The following EYS variants were observed in gnomAD, a reference collection of about 807,000 sequenced individuals.
EYS encodes protein eyes shut homolog.
EYS carries 250 observed loss-of-function variants against 282.1 expected under a neutral mutation model. The ratio of observed to expected loss-of-function variants is 0.89; its 90% CI spans 0.80 to 0.98. EYS has a LOEUF of 0.98. Among genes scored for constraint, EYS ranks in the 50% least tolerant of loss-of-function variants. The pLI is 0.00. For missense variants in EYS, 4,016 were observed against 3,709.0 expected, an observed-to-expected ratio of 1.08 and a Z score of -2.15; for synonymous variants, 1,355 against 1,282.9, an observed-to-expected ratio of 1.06 and a Z score of -1.20.
At chr6:64,643,706 T>C (rs1768252323) in intron 22 of EYS, among the ~76,000 whole-genome samples, 1 of 152,220 alleles carries the variant, frequency 6.6e-6, no homozygotes, top group Non-Finnish European at 1.5e-5. Flanking sequence ...TCCTGCTTTC[T>C]CATGATAGTG....
chr6:64,236,420 C>T (rs1481989741), intron 30 of EYS, among the ~76,000 whole-genome samples: 1 of 152,028 alleles, frequency 6.6e-6, no homozygotes, highest in Non-Finnish European at 1.5e-5. Context: ...ATGTATGTTT[C>T]CATTTCTCTT....
At chr6:64,976,207 A>C (rs1345167522) in intron 14 of EYS, among the ~76,000 whole-genome samples, 4 of 152,002 alleles carry the variant, frequency 2.6e-5, no homozygotes, top group African/African-American at 9.7e-5. Context: ...CATTGTTCAA[A>C]TATATTCAAC....
chr6:64,032,668 A>C (rs1420878728), intron 33 of EYS, among the ~76,000 whole-genome samples: 1 of 152,180 alleles, frequency 6.6e-6, no homozygotes, highest in Non-Finnish European at 1.5e-5. Context: ...TTGGGGGTAC[A>C]CACAGCCCAC....
At chr6:65,380,801 G>A (rs975564325) in intron 8 of EYS, among the ~76,000 whole-genome samples, 4 of 151,876 alleles carry the variant, frequency 2.6e-5, no homozygotes, top group African/African-American at 9.7e-5. Flanking sequence ...TCAAAAAATG[G>A]GCAAAGTTTA....
At position 65,295,839 on chromosome 6, in the gene EYS, T is replaced by C. The variant is rs971253140; in HGVS notation, c.2023+24A>G. On this transcript the variant is annotated intron_variant, in intron 12 of 42. Coordinates refer to ENST00000503581, the MANE Select transcript of EYS (RefSeq NM_001142800.2). Reference sequence around the variant, plus strand: ...CAACATTATTTACTAGAAAATTTAATTTATCAGGAAAAAAAAAACTTGCCT... The same window carrying C: ...CAACATTATTTACTAGAAAATTTAACTTATCAGGAAAAAAAAAACTTGCCT... 4 of 1,472,914 alleles carry C rather than the reference T, an allele frequency of 2.7e-6. No homozygotes were observed. In the East Asian group the frequency reaches 8.0e-5, roughly 30 times the overall value. The allele number at this position is 1,472,914 out of a possible 1,614,324, so 91.2% of individuals were successfully genotyped here.
At chr6:65,462,225 T>A (rs1764848978) in intron 5 of EYS, among the ~76,000 whole-genome samples, 1 of 152,106 alleles carries the variant, frequency 6.6e-6, no homozygotes, top group South Asian at 2.1e-4. Context: ...ATTCATGTAA[T>A]GTATGATACT....
chr6:64,855,597 A>G (rs1049980428), intron 19 of EYS, among the ~76,000 whole-genome samples: 1 of 152,290 alleles, frequency 6.6e-6, no homozygotes, highest in Middle Eastern at 3.4e-3. Context: ...AGTGTGGTAC[A>G]TTAACCACAA....
intron 8 of EYS, among the ~76,000 whole-genome samples, chr6:65,374,676 G>A (rs1232636126): frequency 6.6e-6 from 1 of 152,076 alleles, no homozygotes; most frequent in Non-Finnish European, 1.5e-5. Context: ...TGCCATCACA[G>A]CAGTCTGAAG....
intron 22 of EYS, among the ~76,000 whole-genome samples, chr6:64,768,596 G>C (rs996534710): frequency 6.6e-6 from 1 of 152,146 alleles, no homozygotes; most frequent in African/African-American, 2.4e-5. Context: ...GGTCATATCA[G>C]AAAGTTTTAT....
At chr6:63,782,557 G>A (rs1057475857) in intron 39 of EYS, among the ~76,000 whole-genome samples, 1 of 152,046 alleles carries the variant, frequency 6.6e-6, no homozygotes, top group Admixed American at 6.6e-5. Flanking sequence ...TATAGTATTC[G>A]CTGATGGTAG....
intron 14 of EYS, among the ~76,000 whole-genome samples, chr6:64,961,119 T>C (rs918960525): frequency 2.0e-5 from 3 of 152,214 alleles, no homozygotes; most frequent in Admixed American, 2.0e-4. Context: ...AATATATGTG[T>C]GCATGTGCCT....
intron 28 of EYS, among the ~76,000 whole-genome samples, chr6:64,401,960 G>T (rs1037609021): frequency 7.2e-5 from 11 of 151,948 alleles, no homozygotes; most frequent in African/African-American, 2.7e-4. Context: ...TTCTTATTTG[G>T]TTATCTATAT....
rs151120987 is a variant in EYS at position 64,276,903 on chromosome 6, T to C, written c.6191+30067A>G. 4.2e-3 allele frequency among the ~76,000 whole-genome samples: 638 copies of C among 152,226 alleles called. 5 individuals are homozygous for C. The highest frequency in any genetic ancestry group is 0.014 in the African/African-American group (600 of 41,556). On this transcript the variant is annotated intron_variant, in intron 30 of 42. Transcript: ENST00000503581. ...CTCAAAATAGAATTAATTTGGAATA[T>C]ATTCTGCAAAATGTCAAAAAGTTAT...
rs117543419 is a variant in EYS, at chr6:63,733,481, T to C, written c.8072-6801A>G. On this transcript the variant is annotated intron_variant, in intron 41 of 42. Transcript: ENST00000503581. ...TAGACCCCAGTGCCTATTGTTCCCATCTTTATATCTGTTTGTACTCAGTGT... is the reference window on the plus strand; with the variant it reads ...TAGACCCCAGTGCCTATTGTTCCCACCTTTATATCTGTTTGTACTCAGTGT... Among the ~76,000 whole-genome samples the C allele has an allele frequency of 2.0e-3, 300 of 147,744 alleles. 6 individuals are homozygous for C. The East Asian group carries it at 0.025, about 12-fold the overall frequency.
chr6:64,024,769 C>G (rs1387269436), intron 33 of EYS, among the ~76,000 whole-genome samples: 1 of 152,116 alleles, frequency 6.6e-6, no homozygotes, highest in Non-Finnish European at 1.5e-5. Context: ...CGCAGCTTCA[C>G]TCCTGCGCCA....
chr6:65,476,006 A>C (rs1582346634), intron 5 of EYS, among the ~76,000 whole-genome samples: 2 of 152,276 alleles, frequency 1.3e-5, no homozygotes, highest in East Asian at 3.9e-4. Context: ...ACACCTCTTA[A>C]GAGCAATTAT....
intron 26 of EYS, among the ~76,000 whole-genome samples, chr6:64,586,577 T>C (rs1766239920): frequency 1.3e-5 from 2 of 152,032 alleles, no homozygotes; most frequent in Non-Finnish European, 2.9e-5. Flanking sequence ...GTAAATCTTT[T>C]CAGAAAGAAA....
intron 31 of EYS, among the ~76,000 whole-genome samples, chr6:64,100,403 G>T (rs775753648): frequency 4.6e-5 from 7 of 151,786 alleles, no homozygotes; most frequent in Non-Finnish European, 1.0e-4. Flanking sequence ...ATTTCCTATG[G>T]CATTTTCCTG....
At chr6:64,560,751 GGA>G (rs1488645835) in intron 26 of EYS, among the ~76,000 whole-genome samples, 8 of 152,034 alleles carry the variant, frequency 5.3e-5, no homozygotes, top group African/African-American at 1.9e-4. Flanking sequence ...TGCAGTGAGG[GGA>G]GTGTCTGATT....
Sources: allele counts gnomAD v4.1 joint callset (sites outside exome capture counted in the v4.1 genomes callset), GRCh38; gene constraint gnomAD v4.1.1; transcripts MANE v1.5; gene names NCBI Gene and HGNC (gene_info 2026-07-23, HGNC 2026-07-21).